ZNF875: variants seen among roughly 807,000 people sequenced by gnomAD.
ZNF875 encodes HKR1, GLI-Kruppel zinc finger family member.
ZNF875 carries 14 observed loss-of-function variants against 11.2 expected under a neutral mutation model. The ratio of observed to expected loss-of-function variants is 1.26; its 90% CI spans 0.83 to 1.96. The LOEUF (loss-of-function observed/expected upper bound fraction) is 1.96. Ranked by LOEUF, ZNF875 falls within the 30% of genes most tolerant of loss-of-function variation. ZNF875 has a pLI of 0.00. For synonymous variants in ZNF875, 301 were observed against 281.1 expected (o/e 1.07, Z -0.71); for missense variants, 752 against 760.4 (o/e 0.99, Z 0.13).
chr19:37,362,663 A>G lies in ZNF875; in HGVS notation c.811A>G (p.Lys271Glu). ...DSFGSMSVLI[K>E]NPRTHSGGKP... The stretch of plus-strand genomic sequence containing the variant: ...CTTTGGCAGTATGTCAGTCCTCATC[A>G]AAAACCCAAGGACACACTCTGGGGG... The change falls in exon 5 of 5, where the codon AAA (lysine) becomes GAA (glutamate). Residue 271 changes from lysine to glutamate, a missense_variant. Transcript: ENST00000392153. The G allele has an allele frequency of 6.2e-7, 1 of 1,612,862 alleles. No individual in the cohort carries two copies. Among genetic ancestry groups the G allele is most frequent in the African/African-American group, 1.3e-5 (1 of 74,988 alleles).
intron 4 of ZNF875, chr19:37,358,602 C>CTCCAT: frequency 2.0e-5 from 3 of 151,842 alleles, no homozygotes; most frequent in Middle Eastern, 6.8e-3. Flanking sequence ...TCACTGCAAC[C>CTCCAT]TCCACCTCCT....
At chr19:37,336,964 A>G (rs2034593243) in intron 2 of ZNF875, among the ~76,000 whole-genome samples, 1 of 152,190 alleles carries the variant, frequency 6.6e-6, no homozygotes, top group Non-Finnish European at 1.5e-5. Context: ...CTATTCACAC[A>G]TAGAACAAGG....
intron 4 of ZNF875, chr19:37,359,511 C>G (rs2039542705): frequency 3.7e-6 from 1 of 267,976 alleles, no homozygotes; most frequent in African/African-American, 2.3e-5. Flanking sequence ...TCAAGCAATT[C>G]CCCTGCCTCA....
At chr19:37,329,942 A>T (rs1320003415), upstream of ZNF875, among the ~76,000 whole-genome samples, 1 of 152,122 alleles carries the variant, frequency 6.6e-6, no homozygotes, top group Non-Finnish European at 1.5e-5. Context: ...TGGAGTTCTC[A>T]CATGCGTGGA....
exon 1 of ZNF875, chr19:37,318,100 C>G (rs928004670): frequency 4.5e-5 from 7 of 154,670 alleles, no homozygotes; most frequent in African/African-American, 1.4e-4. Flanking sequence ...CCCGGCCCTT[C>G]CCCATCCGTC....
chr19:37,320,117 C>A (rs2031100988), intron 1 of ZNF875, among the ~76,000 whole-genome samples: 3 of 152,126 alleles, frequency 2.0e-5, no homozygotes, highest in Admixed American at 2.0e-4. Context: ...CTTCGTAATC[C>A]ACCCGCCTCG....
At chr19:37,353,510 T>TA (rs2038318923) in intron 4 of ZNF875, among the ~76,000 whole-genome samples, 1 of 152,236 alleles carries the variant, frequency 6.6e-6, no homozygotes, top group African/African-American at 2.4e-5. Flanking sequence ...TCACATTTCT[T>TA]ATGCTCTTCA....
At chr19:37,357,892 C>G in intron 4 of ZNF875, 1 of 398,294 alleles carries the variant, frequency 2.5e-6, no homozygotes, top group Non-Finnish European at 4.4e-6. Context: ...ATTGCTTTCT[C>G]TAGGACTTCC....
chr19:37,361,925 CAAA>C, intron 4 of ZNF875, 181 bp from the exon 5 acceptor site: 1 of 544,160 alleles, frequency 1.8e-6, no homozygotes, highest in Non-Finnish European at 3.2e-6. Flanking sequence ...AAAAAAAAAA[CAAA>C]AAAACAAAAG....
At chr19:37,341,808 C>T (rs2035779447) in intron 2 of ZNF875, among the ~76,000 whole-genome samples, 1 of 152,132 alleles carries the variant, frequency 6.6e-6, no homozygotes, top group Admixed American at 6.5e-5. Context: ...GAGTCAGATA[C>T]CTGTATACTA....
chr19:37,361,432 TTTC>T (rs1178284957), intron 4 of ZNF875, among the ~76,000 whole-genome samples: 2 of 152,176 alleles, frequency 1.3e-5, no homozygotes, highest in African/African-American at 2.4e-5. Flanking sequence ...CCACTTCTTC[TTTC>T]TTCTTCTCCT....
rs371013801 is a variant in ZNF875 at position 37,363,607 on chromosome 19, G to A, written c.1755G>A (p.Gly585=). 2.5e-6 allele frequency: 4 copies of A among 1,612,754 alleles called. No homozygotes were observed. Among genetic ancestry groups the A allele is most frequent in the Non-Finnish European group, 3.4e-6 (4 of 1,179,664 alleles). The change falls in exon 5 of 5, where the codon GGG becomes GGA. Residue 585 remains glycine, a synonymous_variant. Transcript: ENST00000392153. The stretch of plus-strand genomic sequence containing the variant: ...AACACCAGAGAGCACACGCAGGGGG[G>A]AAGCCTCATGTGTGCAGGGAGTGTG... ...LIKHQRAHAG[G]KPHVCRECGQ...
upstream of ZNF875, chr19:37,334,475 A>C (rs1429282794): frequency 1.3e-5 from 4 of 319,490 alleles, no homozygotes; most frequent in Non-Finnish European, 2.5e-5. Flanking sequence ...TGGGCATCTT[A>C]AGAGTGGGTT....
At chr19:37,346,108 T>C (rs2036705885) in intron 2 of ZNF875, among the ~76,000 whole-genome samples, 1 of 152,070 alleles carries the variant, frequency 6.6e-6, no homozygotes, top group Non-Finnish European at 1.5e-5. Context: ...GAAATGAATA[T>C]AATGTATTAT....
In ZNF875 at chr19:37,363,154, A is replaced by G. The variant is rs2040252718; in HGVS notation, c.1302A>G (p.Lys434=). The G allele has an allele frequency of 6.2e-7, 1 of 1,610,930 alleles. No homozygotes were observed. Among genetic ancestry groups the G allele is most frequent in the African/African-American group, 1.4e-5 (1 of 73,836 alleles). Residue 434 remains lysine (K), a synonymous_variant, in exon 5 of 5, where the codon AAA becomes AAG. Transcript: ENST00000392153. ...CTECGRHFSW[K]SNLKTHQRTH... ...AATGTGGGCGTCACTTTAGCTGGAA[A>G]TCAAACCTCAAAACACACCAGAGGA...
intron 2 of ZNF875, among the ~76,000 whole-genome samples, chr19:37,338,315 G>T (rs2034946767): frequency 6.6e-6 from 1 of 152,090 alleles, no homozygotes; most frequent in Non-Finnish European, 1.5e-5. Context: ...TAGAGATGGG[G>T]TTTCGCCATG....
At chr19:37,333,125 G>A (rs2033658182), upstream of ZNF875, among the ~76,000 whole-genome samples, 1 of 152,032 alleles carries the variant, frequency 6.6e-6, no homozygotes, top group Non-Finnish European at 1.5e-5. Context: ...GTTACATTAT[G>A]TTTGATTTAT....
At chr19:37,347,656 A>T in intron 3 of ZNF875, 121 bp from the exon 4 acceptor site, 1 of 671,444 alleles carries the variant, frequency 1.5e-6, no homozygotes, top group Non-Finnish European at 2.7e-6. Flanking sequence ...TACTTCAGAG[A>T]GAGAACTATT....
At chr19:37,323,078 T>C (rs574251181) in intron 2 of ZNF875, among the ~76,000 whole-genome samples, 1 of 152,120 alleles carries the variant, frequency 6.6e-6, no homozygotes, top group Admixed American at 6.5e-5. Context: ...TCCTGCGTTA[T>C]AGTGTGTGGA....
Sources: gnomAD v4.1 joint callset for allele counts (sites outside exome capture counted in the v4.1 genomes callset) on GRCh38, gnomAD v4.1.1 for gene constraint, MANE v1.5 for transcripts, NCBI Gene and HGNC (gene_info 2026-07-23, HGNC 2026-07-21) for gene names.